CRYBB3: variants seen among roughly 807,000 people sequenced by gnomAD.
CRYBB3 encodes crystallin beta B3.
In CRYBB3, 35 loss-of-function variants were observed where a neutral mutation model predicts 28.3. That is an observed-to-expected ratio of 1.24 (90% CI 0.95 to 1.64). CRYBB3 has a LOEUF of 1.64. Among genes scored for constraint, CRYBB3 ranks in the 40% most tolerant of loss-of-function variants. The pLI is 0.00. For missense variants in CRYBB3, 296 were observed against 297.4 expected (o/e 1.00, Z 0.04); for synonymous variants, 106 against 110.4 (o/e 0.96, Z 0.25).
intron 1 of CRYBB3, among the ~76,000 whole-genome samples, chr22:25,200,833 T>C (rs917897062): frequency 1.3e-5 from 2 of 152,186 alleles, no homozygotes; most frequent in African/African-American, 4.8e-5. Context: ...TCCCGACATA[T>C]GGGGTCTCCT....
At chr22:25,201,546 C>A (rs1934949416) in intron 2 of CRYBB3, 75 bp downstream of exon 2, 3 of 1,584,418 alleles carry the variant, frequency 1.9e-6, no homozygotes, top group Non-Finnish European at 2.6e-6. Context: ...CCAAGCAGCA[C>A]CTCTGCAGGA....
At position 25,199,928 on chromosome 22, in the gene CRYBB3, T is replaced by C. The variant is rs1287412863; in HGVS notation, c.-21+19T>C. 1.3e-5 allele frequency: 2 copies of C among 152,030 alleles called. No individual in the cohort carries two copies. Among genetic ancestry groups the C allele is most frequent in the Non-Finnish European group, 2.9e-5 (2 of 68,032 alleles). The allele number at this position is 152,030 out of a possible 1,614,324, so 9.4% of individuals were successfully genotyped here. A position where few individuals can be genotyped will look rare whatever the true frequency, so the allele number is the denominator to read the frequency against. On this transcript the variant is annotated intron_variant, in intron 1 of 5. Transcript: ENST00000215855. ...GCAACAGGTTCATTCTGGGATGGGT[T>C]GGGGGTGGGGAGGCAAAAGCCACCC... is the stretch of plus-strand genomic sequence containing the variant.
At chr22:25,205,797 G>T (rs1935024938) in intron 5 of CRYBB3, among the ~76,000 whole-genome samples, 1 of 152,108 alleles carries the variant, frequency 6.6e-6, no homozygotes, top group African/African-American at 2.4e-5. Flanking sequence ...CATGTTCCCT[G>T]CACTCCTGTA....
chr22:25,205,170 C>T (rs1935009497), intron 4 of CRYBB3, 50 bp from the exon 5 acceptor site: 1 of 1,611,104 alleles, frequency 6.2e-7, no homozygotes, highest in Non-Finnish European at 8.5e-7. Flanking sequence ...CCTCCTTGAC[C>T]TCTGTTCTGG....
chr22:25,201,421 G>T lies in CRYBB3; in HGVS notation c.25G>T (p.Glu9Ter). The T allele has an allele frequency of 6.2e-7, 1 of 1,613,370 alleles. No homozygotes were observed. Among genetic ancestry groups the T allele is most frequent in the South Asian group, 1.1e-5 (1 of 91,032 alleles). The change falls in exon 2 of 6, where the codon GAA becomes TAA. Residue 9 changes from glutamate to a stop codon, truncating the protein, a stop_gained. Coordinates refer to ENST00000215855, the MANE Select transcript of CRYBB3 (RefSeq NM_004076.5). LOFTEE classifies it high-confidence loss of function. The part of the protein sequence containing the change: MAEQHGAP[E>*]QAAAGKSHGD... Reference sequence around the variant, plus strand: ...GATGGCGGAACAGCACGGAGCACCCGAACAGGCTGCAGCTGGCAAGAGCCA... The same window carrying T: ...GATGGCGGAACAGCACGGAGCACCCTAACAGGCTGCAGCTGGCAAGAGCCA...
chr22:25,200,704 A>G (rs1246475405), intron 1 of CRYBB3, among the ~76,000 whole-genome samples: 1 of 152,110 alleles, frequency 6.6e-6, no homozygotes, highest in Non-Finnish European at 1.5e-5. Flanking sequence ...TGGCTGGTAC[A>G]CAGTCGTGTT....
intron 5 of CRYBB3, among the ~76,000 whole-genome samples, chr22:25,205,620 C>T (rs913399377): frequency 1.7e-4 from 26 of 152,162 alleles, no homozygotes; most frequent in African/African-American, 3.4e-4. Flanking sequence ...CGACCACGCC[C>T]GGCTAAGTTT....
intron 3 of CRYBB3, among the ~76,000 whole-genome samples, chr22:25,203,338 T>C (rs960507196): frequency 6.6e-6 from 1 of 152,162 alleles, no homozygotes; most frequent in Non-Finnish European, 1.5e-5. Context: ...TTCTCATCTG[T>C]TGAATGGGGA....
At chr22:25,202,246 C>T (rs1476968465) in intron 2 of CRYBB3, among the ~76,000 whole-genome samples, 1 of 152,146 alleles carries the variant, frequency 6.6e-6, no homozygotes, top group Non-Finnish European at 1.5e-5. Context: ...AGGCTTGGGG[C>T]AGGCAGAGGT....
chr22:25,201,839 A>T (rs539256438), intron 2 of CRYBB3, among the ~76,000 whole-genome samples: 20 of 152,302 alleles, frequency 1.3e-4, no homozygotes, highest in Non-Finnish European at 2.8e-4. Flanking sequence ...CTGGGCCTCA[A>T]CAGCCCCATG....
intron 1 of CRYBB3, among the ~76,000 whole-genome samples, chr22:25,200,693 G>A (rs1269575176): frequency 1.3e-5 from 2 of 152,142 alleles, no homozygotes; most frequent in African/African-American, 4.8e-5. Context: ...GGGTCTTGAA[G>A]TGGCTGGTAC....
chr22:25,202,776 C>T lies in CRYBB3; in HGVS notation c.178C>T (p.Gln60Ter), dbSNP rs1934971015. Residue 60 changes from glutamine (Q) to a stop codon, truncating the protein, a stop_gained, in exon 3 of 6, where the codon CAA becomes TAA. Transcript: ENST00000215855. LOFTEE classifies it high-confidence loss of function. ...CCTGCTGGAGAAGGTGGGCTCCATC[C>T]AAGTGGAGTCCGGGCCGTGAGTACC... is the stretch of plus-strand genomic sequence containing the variant. ...DSLLEKVGSI[Q>*]VESGPWLAFE... The T allele has an allele frequency of 5.6e-6, 9 of 1,614,030 alleles. No individual in the cohort carries two copies. In the East Asian group the frequency reaches 2.0e-4, roughly 36 times the overall value.
chr22:25,200,172 G>A (rs1934917945), intron 1 of CRYBB3, among the ~76,000 whole-genome samples: 1 of 152,102 alleles, frequency 6.6e-6, no homozygotes, highest in Non-Finnish European at 1.5e-5. Context: ...CTGAGGGAGG[G>A]GAGTGGGCAC....
In CRYBB3 at chr22:25,205,283, A is replaced by G. The variant is rs373826347; in HGVS notation, c.391A>G (p.Ile131Val). 2 of 1,613,946 alleles carry G rather than the reference A, an allele frequency of 1.2e-6. No individual in the cohort carries two copies. The highest frequency in any genetic ancestry group is 1.1e-5 in the South Asian group (1 of 91,060). The stretch of plus-strand genomic sequence containing the variant: ...AGCTTTCAGTGGCCGCAAGATGGAG[A>G]TAGTGGATGATGACGTGCCCAGCCT... Reference protein sequence around the residue: ...NPAFSGRKMEIVDDDVPSLWA... With the variant: ...NPAFSGRKMEVVDDDVPSLWA... Residue 131 changes from isoleucine to valine, a missense_variant, in exon 5 of 6, where the codon ATA (isoleucine) becomes GTA (valine). Physicochemically the swap from Ile to Val is conservative, Grantham distance 29. Transcript: ENST00000215855.
intron 2 of CRYBB3, among the ~76,000 whole-genome samples, chr22:25,201,830 T>G (rs1329125221): frequency 6.6e-6 from 1 of 152,190 alleles, no homozygotes; most frequent in East Asian, 1.9e-4. Context: ...GGAGGCTCTC[T>G]GGGCCTCAAC....
chr22:25,205,146 T>G, intron 4 of CRYBB3, 74 bp from the exon 5 acceptor site: 2 of 1,600,948 alleles, frequency 1.2e-6, no homozygotes. Context: ...GTTGATTCTT[T>G]CCGGCATCTG....
Position 25,207,204 on chromosome 22 carries a change from A to G in CRYBB3, c.628A>G (p.Ser210Gly), listed in dbSNP as rs1024030582. The change falls in exon 6 of 6, where the codon AGC becomes GGC. Residue 210 changes from serine (S) to glycine (G), a missense_variant. Coordinates refer to ENST00000215855, the MANE Select transcript of CRYBB3 (RefSeq NM_004076.5). Reference protein sequence around the residue: ...QKWHKRGRFPSS With the variant: ...QKWHKRGRFPGS ...GTGGCACAAGCGGGGCCGCTTCCCC[A>G]GCAGCTGAAAGGCACCCAGACTTCA... 2 of 1,612,324 alleles carry G rather than the reference A, an allele frequency of 1.2e-6. No homozygotes were observed. Among genetic ancestry groups the G allele is most frequent in the African/African-American group, 1.3e-5 (1 of 74,908 alleles).
rs1934996234 is a variant in CRYBB3, at chr22:25,204,350, C to T, written c.327+455C>T. Reference sequence around the variant, plus strand: ...TTATTTATTTATTTTTCGAGACAGACTCCTGCTCTGTCACCCATGCTGGAG... The same window carrying T: ...TTATTTATTTATTTTTCGAGACAGATTCCTGCTCTGTCACCCATGCTGGAG... On this transcript the variant is annotated intron_variant, in intron 4 of 5. Coordinates refer to ENST00000215855, the MANE Select transcript of CRYBB3 (RefSeq NM_004076.5). Among the ~76,000 whole-genome samples, 3 of 152,284 alleles carry T rather than the reference C, an allele frequency of 2.0e-5. No individual in the cohort carries two copies. The South Asian group carries it at 6.2e-4, about 32-fold the overall frequency.
intron 2 of CRYBB3, 25 bp downstream of exon 2, chr22:25,201,496 G>T (rs1404796274): frequency 6.2e-7 from 1 of 1,610,644 alleles, no homozygotes; most frequent in Non-Finnish European, 8.5e-7. Flanking sequence ...GGGGGTCAGA[G>T]GGCCCAGGCT....
Sources: gnomAD v4.1 joint callset for allele counts (sites outside exome capture counted in the v4.1 genomes callset) on GRCh38, gnomAD v4.1.1 for gene constraint, MANE v1.5 for transcripts, NCBI Gene and HGNC (gene_info 2026-07-23, HGNC 2026-07-21) for gene names.